Variants in DNAH14 observed in about 807,000 individuals in gnomAD.
DNAH14 encodes the protein axonemal beta dynein heavy chain 14.
In DNAH14, 478 loss-of-function variants were observed where a neutral mutation model predicts 520.9. The observed-to-expected ratio is 0.92, with a 90% CI of 0.85 to 0.99. DNAH14 has a LOEUF of 0.99. DNAH14 is among the 50% of genes least tolerant of loss of function. The pLI is 0.00. For missense variants in DNAH14, 4,831 were observed against 5,234.5 expected (o/e 0.92, Z 2.38); for synonymous variants, 1,581 against 1,757.2 (o/e 0.90, Z 2.51).
chr1:225,366,386 A>G (rs2095553287), intron 76 of DNAH14, among the ~76,000 whole-genome samples: 1 of 152,162 alleles, frequency 6.6e-6, no homozygotes, highest in Non-Finnish European at 1.5e-5. Context: ...CTAAAAATCA[A>G]AATTAACACA....
chr1:225,374,339 GTGA>G (rs1232197047), intron 77 of DNAH14, among the ~76,000 whole-genome samples: 1 of 147,010 alleles, frequency 6.8e-6, no homozygotes, highest in Non-Finnish European at 1.5e-5. Context: ...TCAGCTCACT[GTGA>G]TCCCCGCACC....
chr1:225,050,258 A>G lies in DNAH14; in HGVS notation c.1961A>G (p.Asp654Gly), dbSNP rs2148302181. The G allele has an allele frequency of 6.5e-7, 1 of 1,549,784 alleles. No individual in the cohort carries two copies. The highest frequency in any genetic ancestry group is 2.4e-5 in the East Asian group (1 of 40,846). ...CQDPQLSIFI[D>G]LVSIMDLPNK... Reference sequence around the variant, plus strand: ...GATCCCCAGCTGTCTATCTTCATTGATTTGGTTTCAATAATGGATTTACCT... The same window carrying G: ...GATCCCCAGCTGTCTATCTTCATTGGTTTGGTTTCAATAATGGATTTACCT... Residue 654 changes from aspartate (D) to glycine (G), a missense_variant, in exon 16 of 86, where the codon GAT (aspartate) becomes GGT (glycine). Asp to Gly is a moderately conservative substitution (Grantham distance 94). Coordinates refer to ENST00000682510, the MANE Select transcript of DNAH14 (RefSeq NM_001367479.1).
intron 35 of DNAH14, among the ~76,000 whole-genome samples, chr1:225,167,020 A>G (rs1035981673): frequency 2.6e-4 from 39 of 152,316 alleles, no homozygotes; most frequent in African/African-American, 8.2e-4. Context: ...TCTTGCTTAT[A>G]TTCAGGTAGG....
intron 11 of DNAH14, among the ~76,000 whole-genome samples, chr1:225,031,127 G>A (rs1316573095): frequency 6.6e-6 from 1 of 151,770 alleles, no homozygotes; most frequent in Non-Finnish European, 1.5e-5. Context: ...ATATTTTGAT[G>A]GTATTAAAAA....
At chr1:225,285,603 T>C (rs1342194496) in intron 54 of DNAH14, among the ~76,000 whole-genome samples, 2 of 151,266 alleles carry the variant, frequency 1.3e-5, no homozygotes, top group Non-Finnish European at 2.9e-5. Context: ...ATGCCTATAA[T>C]CCCAGCACTT....
At chr1:225,001,212 C>T (rs1190286872) in intron 8 of DNAH14, among the ~76,000 whole-genome samples, 3 of 152,008 alleles carry the variant, frequency 2.0e-5, no homozygotes, top group Non-Finnish European at 4.4e-5. Context: ...AACTTACCAC[C>T]ATGTCATTTC....
intron 60 of DNAH14, among the ~76,000 whole-genome samples, chr1:225,310,271 TG>T (rs1451444942): frequency 6.6e-6 from 1 of 151,972 alleles, no homozygotes; most frequent in Non-Finnish European, 1.5e-5. Flanking sequence ...CATTAGGGCC[TG>T]GGGCCATATT....
At chr1:224,941,739 T>A (rs2059432792) in intron 1 of DNAH14, among the ~76,000 whole-genome samples, 1 of 152,202 alleles carries the variant, frequency 6.6e-6, no homozygotes, top group African/African-American at 2.4e-5. Flanking sequence ...CTAGCCAGTT[T>A]TCCCAGCACC....
At chr1:225,059,950 G>C (rs1450284187) in intron 17 of DNAH14, among the ~76,000 whole-genome samples, 2 of 152,004 alleles carry the variant, frequency 1.3e-5, no homozygotes. Flanking sequence ...CTCTCTGGCT[G>C]CCCTTAACAT....
chr1:225,081,419 C>A (rs1326862547), intron 19 of DNAH14, among the ~76,000 whole-genome samples: 1 of 152,108 alleles, frequency 6.6e-6, no homozygotes, highest in African/African-American at 2.4e-5. Flanking sequence ...CAATTGGGGG[C>A]AAATCATAGT....
chr1:225,184,954 G>T (rs537737124), intron 36 of DNAH14, among the ~76,000 whole-genome samples: 8 of 151,984 alleles, frequency 5.3e-5, no homozygotes, highest in African/African-American at 1.9e-4. Context: ...CATCCAAATA[G>T]GAAAAGAGGA....
At chr1:225,238,529 G>C (rs1399151311) in intron 42 of DNAH14, among the ~76,000 whole-genome samples, 1 of 152,136 alleles carries the variant, frequency 6.6e-6, no homozygotes, top group East Asian at 1.9e-4. Context: ...CCTGTTTCCG[G>C]CCTGAACGCT....
intron 10 of DNAH14, among the ~76,000 whole-genome samples, chr1:225,020,164 T>C (rs1480639209): frequency 6.6e-6 from 1 of 150,968 alleles, no homozygotes; most frequent in East Asian, 1.9e-4. Context: ...CAATCAGAAA[T>C]GACAAAGGTG....
chr1:225,380,696 T>C (rs2095768816), intron 80 of DNAH14, among the ~76,000 whole-genome samples: 1 of 152,128 alleles, frequency 6.6e-6, no homozygotes. Flanking sequence ...ACCACTTGAC[T>C]CCAAGAAGCT....
At chr1:224,942,564 G>C (rs11487461) in intron 1 of DNAH14, among the ~76,000 whole-genome samples, 7,247 of 150,774 alleles carry the variant, frequency 0.048, 499 homozygotes, top group African/African-American at 0.15. Context: ...GGTGAGAGAG[G>C]GCATCCCTGT....
chr1:225,335,553 A>ATATGTACATATATACG lies in DNAH14; in HGVS notation c.10081-1704_10081-1703insATATACGTATGTACAT, dbSNP rs1471130179. 7.7e-4 allele frequency among the ~76,000 whole-genome samples: 115 copies of ATATGTACATATATACG among 149,030 alleles called. 2 individuals are homozygous for ATATGTACATATATACG. The highest frequency in any genetic ancestry group is 1.1e-3 in the Non-Finnish European group (74 of 66,702). On this transcript the variant is annotated intron_variant, in intron 66 of 85. Coordinates refer to ENST00000682510, the MANE Select transcript of DNAH14 (RefSeq NM_001367479.1). ...CATATGTACATATATACGTATATAC[A>ATATGTACATATATACG]TATGTACATCTATGTATATACGCAT...
intron 23 of DNAH14, among the ~76,000 whole-genome samples, chr1:225,117,313 G>A (rs907868724): frequency 1.3e-5 from 2 of 151,592 alleles, no homozygotes; most frequent in Admixed American, 6.6e-5. Context: ...GTATGGGAAA[G>A]CAATGTTGAT....
chr1:225,172,426 A>C (rs536206600), intron 36 of DNAH14, among the ~76,000 whole-genome samples: 1 of 152,360 alleles, frequency 6.6e-6, no homozygotes, highest in South Asian at 2.1e-4. Flanking sequence ...CTCAGGATAC[A>C]AAATCAATGT....
intron 36 of DNAH14, among the ~76,000 whole-genome samples, chr1:225,177,835 G>A (rs1156547442): frequency 3.9e-5 from 6 of 152,186 alleles, no homozygotes; most frequent in African/African-American, 1.4e-4. Flanking sequence ...AGGGAAATGT[G>A]GGGTTGAAGC....
Sources: allele counts gnomAD v4.1 joint callset (sites outside exome capture counted in the v4.1 genomes callset), GRCh38; gene constraint gnomAD v4.1.1; transcripts MANE v1.5; gene names NCBI Gene and HGNC (gene_info 2026-07-23, HGNC 2026-07-21).